Variants in TSPAN16 observed in about 807,000 individuals in gnomAD.
TSPAN16 encodes the protein tetraspanin 16, also known as tetraspanin-16.
TSPAN16 carries 23 observed loss-of-function variants against 25.2 expected under a neutral mutation model. That is an observed-to-expected ratio of 0.91 (90% CI 0.66 to 1.29). The LOEUF (loss-of-function observed/expected upper bound fraction) is 1.29. Among genes scored for constraint, TSPAN16 ranks in the 50% most tolerant of loss-of-function variants. The pLI, the probability that TSPAN16 is intolerant of heterozygous loss-of-function variation, is 0.00. For synonymous variants in TSPAN16, 123 were observed against 124.4 expected (o/e 0.99, Z 0.08); for missense variants, 272 against 299.9 (o/e 0.91, Z 0.69).
Position 11,298,901 on chromosome 19 carries a change from C to A in TSPAN16, c.297C>A (p.Ile99=), listed in dbSNP as rs570440838. The change falls in exon 3 of 7, where the codon ATC becomes ATA. Residue 99 remains isoleucine (I), a synonymous_variant. Transcript: ENST00000590327. ...TCCTGTCAATGGTTATTGTCCTCATCATGGAAGTTACAGCTGCCACAGTGG... is the reference window on the plus strand; with the variant it reads ...TCCTGTCAATGGTTATTGTCCTCATAATGGAAGTTACAGCTGCCACAGTGG... ...FCILSMVIVL[I]MEVTAATVVL... is the part of the protein sequence containing the mutation. 2 of 1,614,130 alleles carry A rather than the reference C, an allele frequency of 1.2e-6. No homozygotes were observed. The highest frequency in any genetic ancestry group is 2.7e-5 in the African/African-American group (2 of 75,036).
chr19:11,319,493 G>C (rs188003225), downstream of TSPAN16, among the ~76,000 whole-genome samples: 720 of 152,238 alleles, frequency 4.7e-3, 9 homozygotes, highest in Admixed American at 0.026. Flanking sequence ...CAGCTACTCC[G>C]GAGGCTGAGG....
chr19:11,316,018 C>T, downstream of TSPAN16: 3 of 1,116,478 alleles, frequency 2.7e-6, no homozygotes, highest in South Asian at 1.4e-4. Context: ...AATGATTTTA[C>T]CTCAAAATGC....
At chr19:11,317,262 A>G (rs1365613971), downstream of TSPAN16, among the ~76,000 whole-genome samples, 3 of 152,304 alleles carry the variant, frequency 2.0e-5, no homozygotes, top group African/African-American at 4.8e-5. Flanking sequence ...GATAATTAAC[A>G]TTGCTTGTTT....
chr19:11,320,132 T>G (rs1235837536), downstream of TSPAN16, among the ~76,000 whole-genome samples: 1 of 147,844 alleles, frequency 6.8e-6, no homozygotes, highest in Non-Finnish European at 1.5e-5. Flanking sequence ...CTTTTTTTTT[T>G]TTTTTTGAGA....
At chr19:11,325,854 G>A (rs983671611) in intron 6 of TSPAN16, among the ~76,000 whole-genome samples, 7 of 152,038 alleles carry the variant, frequency 4.6e-5, no homozygotes, top group African/African-American at 1.4e-4. Context: ...CGGGAGGATC[G>A]CTTGAGGCCA....
chr19:11,318,480 A>C (rs2080760395), downstream of TSPAN16, among the ~76,000 whole-genome samples: 1 of 151,494 alleles, frequency 6.6e-6, no homozygotes, highest in African/African-American at 2.4e-5. Flanking sequence ...CTTCTAATTT[A>C]ATTGAACTGG....
intron 5 of TSPAN16, among the ~76,000 whole-genome samples, chr19:11,308,696 A>G (rs2080657219): frequency 1.3e-5 from 2 of 151,248 alleles, no homozygotes; most frequent in South Asian, 4.2e-4. Flanking sequence ...GATGGTCTCC[A>G]TCTCCTGACC....
rs145128564 is a variant in TSPAN16, at chr19:11,308,367, C to T, written c.603+1611C>T. On this transcript the variant is annotated intron_variant, in intron 5 of 6. Coordinates refer to ENST00000590327, the MANE Select transcript of TSPAN16 (RefSeq NM_001282509.2). ...AGACTGGAGTGCAGTGGCGCAATCT[C>T]GACTCACCGCAGCCTCCGCCTCCCA... 5.5e-3 allele frequency among the ~76,000 whole-genome samples: 839 copies of T among 151,912 alleles called. 10 individuals are homozygous for T. The highest frequency in any genetic ancestry group is 0.027 in the Admixed American group (409 of 15,246).
At chr19:11,313,850 C>T (rs1344309613) in intron 6 of TSPAN16, among the ~76,000 whole-genome samples, 1 of 152,162 alleles carries the variant, frequency 6.6e-6, no homozygotes, top group Non-Finnish European at 1.5e-5. Flanking sequence ...CAACTTCTCT[C>T]CTATGTTTAT....
intron 4 of TSPAN16, among the ~76,000 whole-genome samples, chr19:11,302,678 T>C (rs201363770): frequency 0.058 from 7,281 of 126,406 alleles, 431 homozygotes; most frequent in African/African-American, 0.15. Context: ...TATATATATA[T>C]ACACACACAC....
chr19:11,302,465 G>C (rs1324525090), intron 4 of TSPAN16, among the ~76,000 whole-genome samples: 1 of 143,946 alleles, frequency 6.9e-6, no homozygotes, highest in Non-Finnish European at 1.5e-5. Context: ...GGAGGCAGAG[G>C]CTGCGGTGAG....
chr19:11,302,638 CAT>C (rs1491143206), intron 4 of TSPAN16, among the ~76,000 whole-genome samples: 1 of 135,014 alleles, frequency 7.4e-6, no homozygotes, highest in Non-Finnish European at 1.5e-5. Context: ...TATATACACA[CAT>C]ACATATATAT....
chr19:11,297,075 A>T (rs1475712855), intron 1 of TSPAN16, among the ~76,000 whole-genome samples: 1 of 152,166 alleles, frequency 6.6e-6, no homozygotes, highest in African/African-American at 2.4e-5. Flanking sequence ...CATAAAAAGA[A>T]GTAATTGTCT....
At chr19:11,303,400 C>T (rs2080588053) in intron 4 of TSPAN16, among the ~76,000 whole-genome samples, 2 of 146,746 alleles carry the variant, frequency 1.4e-5, no homozygotes, top group South Asian at 4.3e-4. Flanking sequence ...ATCTCAAGTT[C>T]CCAGGGACAC....
At chr19:11,317,573 C>A (rs1451617020), downstream of TSPAN16, among the ~76,000 whole-genome samples, 1 of 151,856 alleles carries the variant, frequency 6.6e-6, no homozygotes, top group Non-Finnish European at 1.5e-5. Flanking sequence ...TGGCTCACTG[C>A]AACCTCAGCC....
At chr19:11,322,416 A>G (rs939205609) in intron 6 of TSPAN16, 1 of 152,026 alleles carries the variant, frequency 6.6e-6, no homozygotes, top group South Asian at 2.1e-4. Flanking sequence ...AAAACTGCCC[A>G]TGTAAAATAA....
chr19:11,322,568 G>A (rs2080786345), intron 6 of TSPAN16: 1 of 152,134 alleles, frequency 6.6e-6, no homozygotes, highest in African/African-American at 2.4e-5. Context: ...CCGTTTCCCT[G>A]AGGTAATCTG....
intron 4 of TSPAN16, among the ~76,000 whole-genome samples, chr19:11,303,681 T>C (rs960444185): frequency 2.0e-5 from 3 of 150,400 alleles, no homozygotes; most frequent in South Asian, 4.2e-4. Context: ...CCTACGTTTT[T>C]TGAGGAACTG....
At position 11,306,619 on chromosome 19, in the gene TSPAN16, G is replaced by T. The variant is rs769681947; in HGVS notation, c.466G>T (p.Val156Leu). 1.9e-5 allele frequency: 30 copies of T among 1,613,448 alleles called. No homozygotes were observed. The highest frequency in any genetic ancestry group is 2.4e-5 in the Non-Finnish European group (28 of 1,180,000). The stretch of plus-strand genomic sequence containing the variant: ...CTCTCTATAGCTAAAGTGCTGTGGG[G>T]TGAATAACTACACAGATTTTTCTGG... ...LVMEKLKCCG[V>L]NNYTDFSGSS... The change falls in exon 5 of 7, where the codon GTG becomes TTG. Residue 156 changes from valine to leucine, a missense_variant. Transcript: ENST00000590327.
Sources: allele counts gnomAD v4.1 joint callset (sites outside exome capture counted in the v4.1 genomes callset), GRCh38; gene constraint gnomAD v4.1.1; transcripts MANE v1.5; gene names NCBI Gene and HGNC (gene_info 2026-07-23, HGNC 2026-07-21).